The following NFIB variants were observed in gnomAD, a reference collection of about 807,000 sequenced individuals.
NFIB encodes nuclear factor I B.
In NFIB, 11 loss-of-function variants were observed where a neutral mutation model predicts 61.5. That is an observed-to-expected ratio of 0.18 (90% CI 0.11 to 0.30). The LOEUF (loss-of-function observed/expected upper bound fraction) is 0.30, where lower values mean the gene tolerates loss of function less well. NFIB is among the 10% of genes least tolerant of loss of function. The pLI, the probability that NFIB is intolerant of heterozygous loss-of-function variation, is 1.00. For synonymous variants in NFIB, 260 were observed against 216.5 expected, an observed-to-expected ratio of 1.20 and a Z score of -1.76; for missense variants, 471 against 608.9, an observed-to-expected ratio of 0.77 and a Z score of 2.38.
Position 14,295,822 on chromosome 9 carries a change from C to T in NFIB, c.562+11167G>A, listed in dbSNP as rs930568350. ...AATTACGAGTACTTGATAGGACACC[C>T]TTTACCCACACCAAAATTGAGTTAT... is the stretch of plus-strand genomic sequence containing the variant. On this transcript the variant is annotated intron_variant, in intron 2 of 10. Coordinates refer to ENST00000380953, the MANE Select transcript of NFIB (RefSeq NM_001190737.2). Among the ~76,000 whole-genome samples, 8 of 152,144 alleles carry T rather than the reference C, an allele frequency of 5.3e-5. 1 individual carries two copies. Among genetic ancestry groups the T allele is most frequent in the Non-Finnish European group, 1.2e-4 (8 of 68,026 alleles).
At chr9:14,326,464 C>G (rs1327538255) in intron 1 of NFIB, among the ~76,000 whole-genome samples, 1 of 152,180 alleles carries the variant, frequency 6.6e-6, no homozygotes, top group African/African-American at 2.4e-5. Context: ...AGTGTTCCTT[C>G]TTTCACTAAC....
At chr9:14,267,172 G>A (rs866669722) in intron 2 of NFIB, among the ~76,000 whole-genome samples, 1 of 152,126 alleles carries the variant, frequency 6.6e-6, no homozygotes, top group Non-Finnish European at 1.5e-5. Flanking sequence ...CAGGGGAGTT[G>A]AATAAGGGAC....
intron 2 of NFIB, among the ~76,000 whole-genome samples, chr9:14,282,741 C>G (rs1002902731): frequency 6.6e-5 from 10 of 152,220 alleles, no homozygotes; most frequent in African/African-American, 2.4e-4. Flanking sequence ...TTTCCCAAAG[C>G]TACCAGACTA....
intron 2 of NFIB, among the ~76,000 whole-genome samples, chr9:14,279,049 T>C (rs1299938905): frequency 6.6e-6 from 1 of 152,122 alleles, no homozygotes; most frequent in African/African-American, 2.4e-5. Flanking sequence ...GAGAAAAATA[T>C]ATGCATACAC....
In NFIB at chr9:14,088,155, A is replaced by T. The variant is rs755863899; in HGVS notation, c.*154T>A. 1.8e-5 allele frequency: 22 copies of T among 1,231,666 alleles called. No individual in the cohort carries two copies. The highest frequency in any genetic ancestry group is 6.4e-5 in the Admixed American group (2 of 31,390). The allele number at this position is 1,231,666 out of a possible 1,614,324, so 76.3% of individuals were successfully genotyped here. A position where few individuals can be genotyped will look rare whatever the true frequency, so the allele number is the denominator to read the frequency against. Reference sequence around the variant, plus strand: ...TTCCTCTTTTCCTTTTTTTTTATTTAAAAAAAAAATTTCTTAAACTATTGT... The same window carrying T: ...TTCCTCTTTTCCTTTTTTTTTATTTTAAAAAAAAATTTCTTAAACTATTGT... On this transcript the variant is annotated 3_prime_UTR_variant, in exon 11 of 11. Coordinates refer to ENST00000380953, the MANE Select transcript of NFIB (RefSeq NM_001190737.2).
chr9:14,155,633 A>C (rs1436149065), intron 4 of NFIB, among the ~76,000 whole-genome samples, 192 bp downstream of exon 4: 1 of 152,212 alleles, frequency 6.6e-6, no homozygotes, highest in African/African-American at 2.4e-5. Context: ...GTACAACAAA[A>C]AGTTTTGATG....
At chr9:14,415,112 G>C in the NFIB span, among the ~76,000 whole-genome samples, 17 of 152,194 alleles carry the variant, frequency 1.1e-4, no homozygotes, top group Middle Eastern at 3.2e-3. Flanking sequence ...AGGCAGGCCT[G>C]ATTGGGGAAG....
chr9:14,295,492 G>A (rs1430117297), intron 2 of NFIB, among the ~76,000 whole-genome samples: 2 of 152,022 alleles, frequency 1.3e-5, no homozygotes, highest in Admixed American at 6.6e-5. Context: ...TCAGCCGGGC[G>A]TGGGGAAGGG....
intron 6 of NFIB, among the ~76,000 whole-genome samples, chr9:14,127,848 G>A (rs1179743853): frequency 6.7e-6 from 1 of 149,774 alleles, no homozygotes; most frequent in Non-Finnish European, 1.5e-5. Flanking sequence ...ATTTGTAGCT[G>A]TAAGCTACAA....
the NFIB span, among the ~76,000 whole-genome samples, chr9:14,438,240 C>T: frequency 4.6e-5 from 7 of 152,266 alleles, no homozygotes; most frequent in East Asian, 1.2e-3. Flanking sequence ...AATAAGATAG[C>T]TGAAAGCAGA....
intron 1 of NFIB, among the ~76,000 whole-genome samples, chr9:14,364,558 A>T (rs1483321545): frequency 6.6e-6 from 1 of 152,246 alleles, no homozygotes; most frequent in Admixed American, 6.5e-5. Flanking sequence ...TTAATATAAC[A>T]ACACATTTCA....
intron 2 of NFIB, among the ~76,000 whole-genome samples, chr9:14,217,660 C>CAAAAAAAAAAAAAAAAAAAAAA (rs34055171): frequency 6.7e-4 from 55 of 81,494 alleles, no homozygotes; most frequent in East Asian, 4.4e-3. Context: ...AACTCCATCT[C>CAAAAAAAAAAAAAAAAAAAAAA]AAAAAAAAAA....
intron 6 of NFIB, among the ~76,000 whole-genome samples, chr9:14,131,587 A>T (rs2040415156): frequency 6.6e-6 from 1 of 152,196 alleles, no homozygotes; most frequent in South Asian, 2.1e-4. Flanking sequence ...TATCTGTTCA[A>T]GTCAGCCCAA....
intron 1 of NFIB, among the ~76,000 whole-genome samples, chr9:14,380,654 A>G (rs987362829): frequency 8.0e-5 from 12 of 150,900 alleles, no homozygotes; most frequent in African/African-American, 2.9e-4. Flanking sequence ...TTGCCTGGAC[A>G]CCCCCCGCCT....
chr9:14,438,089 T>G, the NFIB span, among the ~76,000 whole-genome samples: 5 of 140,106 alleles, frequency 3.6e-5, no homozygotes, highest in Admixed American at 7.1e-5. Flanking sequence ...AGAGAGAGAT[T>G]GGTGGGGGGT....
the NFIB span, among the ~76,000 whole-genome samples, chr9:14,433,608 C>T: frequency 6.6e-6 from 1 of 152,216 alleles, no homozygotes; most frequent in East Asian, 1.9e-4. Context: ...TACTGTATAG[C>T]CCTGGCAAGG....
chr9:14,253,358 C>T lies in NFIB; in HGVS notation c.562+53631G>A, dbSNP rs141106362. ...GTGGTCACCACCAATTAGATTATAG[C>T]GGGATAATTTCACAGTTCTCGAGAT... On this transcript the variant is annotated intron_variant, in intron 2 of 10. Coordinates refer to ENST00000380953, the MANE Select transcript of NFIB (RefSeq NM_001190737.2). Among the ~76,000 whole-genome samples, 162 of 152,218 alleles carry T rather than the reference C, an allele frequency of 1.1e-3. 1 individual carries two copies. Among genetic ancestry groups the T allele is most frequent in the Admixed American group, 2.2e-3 (33 of 15,290 alleles).
At chr9:14,139,889 G>A (rs1586960880) in intron 6 of NFIB, among the ~76,000 whole-genome samples, 1 of 152,150 alleles carries the variant, frequency 6.6e-6, no homozygotes, top group East Asian at 1.9e-4. Context: ...TCTTCAGGGT[G>A]GAAGCATCCT....
At chr9:14,267,210 T>G (rs58059247) in intron 2 of NFIB, among the ~76,000 whole-genome samples, 1 of 152,154 alleles carries the variant, frequency 6.6e-6, no homozygotes, top group Non-Finnish European at 1.5e-5. Context: ...AAAAAGGTAG[T>G]TTTATACAAA....
Sources: allele counts gnomAD v4.1 joint callset (sites outside exome capture counted in the v4.1 genomes callset), GRCh38; gene constraint gnomAD v4.1.1; transcripts MANE v1.5; gene names NCBI Gene and HGNC (gene_info 2026-07-23, HGNC 2026-07-21).